WDR49: variants seen among roughly 807,000 people sequenced by gnomAD.
The protein encoded by WDR49 is cilia- and flagella-associated protein 337.
In WDR49, 107 loss-of-function variants were observed where a neutral mutation model predicts 119.5. The ratio of observed to expected loss-of-function variants is 0.90; its 90% CI spans 0.77 to 1.05. The LOEUF is 1.05. Ranked by LOEUF, WDR49 falls within the 50% of genes least tolerant of loss-of-function variation. WDR49 has a pLI of 0.00. For synonymous variants in WDR49, 425 were observed against 418.8 expected (o/e 1.01, Z -0.18); for missense variants, 1,240 against 1,220.5 (o/e 1.02, Z -0.24).
In WDR49 at chr3:167,627,231, T is replaced by C; in HGVS notation, c.227A>G (p.Glu76Gly). ...SREDFTQKMT[E>G]IVGWGTKEEY... ...TTCCTTCGTGCCCCAACCAACAATC[T>C]CTGTCATCTTCTGCGTGAAGTCTTC... is the stretch of plus-strand genomic sequence containing the variant. The change falls in exon 3 of 19, where the codon GAG becomes GGG. Residue 76 changes from glutamate (E) to glycine (G), a missense_variant. By Grantham distance (98) the Glu-to-Gly change is moderately conservative (BLOSUM62 -2). Coordinates refer to ENST00000682715, the MANE Select transcript of WDR49 (RefSeq NM_001366157.1). The C allele has an allele frequency of 1.6e-6, 2 of 1,251,350 alleles. No homozygotes were observed. Among genetic ancestry groups the C allele is most frequent in the Non-Finnish European group, 2.0e-6 (2 of 997,876 alleles). 77.5% of individuals were successfully genotyped at this position (1,251,350 alleles called of 1,614,324 possible).
chr3:167,592,719 G>A (rs904182545), intron 7 of WDR49, among the ~76,000 whole-genome samples: 11 of 152,090 alleles, frequency 7.2e-5, no homozygotes, highest in African/African-American at 2.4e-4. Context: ...AGGCATGAGC[G>A]ACTGCTCCTA....
chr3:167,652,170 G>T (rs1718417131), intron 2 of WDR49, among the ~76,000 whole-genome samples: 3 of 152,164 alleles, frequency 2.0e-5, no homozygotes, highest in Non-Finnish European at 4.4e-5. Context: ...AATGAGAAAA[G>T]TGTAGGACAG....
At chr3:167,581,164 A>G (rs1714510060) in intron 7 of WDR49, among the ~76,000 whole-genome samples, 1 of 152,196 alleles carries the variant, frequency 6.6e-6, no homozygotes, top group African/African-American at 2.4e-5. Flanking sequence ...TTTTGCCATA[A>G]TTAGTAATAT....
intron 2 of WDR49, among the ~76,000 whole-genome samples, chr3:167,639,864 G>T (rs1346989518): frequency 6.6e-6 from 1 of 151,684 alleles, no homozygotes; most frequent in Non-Finnish European, 1.5e-5. Context: ...TCCTCTCTGT[G>T]CCTATACCTA....
intron 3 of WDR49, among the ~76,000 whole-genome samples, chr3:167,625,558 A>G (rs752963837): frequency 1.3e-5 from 2 of 152,072 alleles, no homozygotes; most frequent in Non-Finnish European, 2.9e-5. Context: ...TCTTTCTTAT[A>G]GAGGTATTCT....
chr3:167,645,490 C>T (rs913948097), intron 2 of WDR49, among the ~76,000 whole-genome samples: 1 of 152,068 alleles, frequency 6.6e-6, no homozygotes, highest in Non-Finnish European at 1.5e-5. Flanking sequence ...GGATTACAGG[C>T]GTGAGTCACC....
chr3:167,573,800 C>T (rs1714077809), intron 8 of WDR49, among the ~76,000 whole-genome samples: 1 of 152,160 alleles, frequency 6.6e-6, no homozygotes, highest in Non-Finnish European at 1.5e-5. Context: ...CGTCAATATG[C>T]TCCTAAGATC....
chr3:167,555,808 T>C (rs181962818), intron 9 of WDR49, among the ~76,000 whole-genome samples: 21 of 152,288 alleles, frequency 1.4e-4, no homozygotes, highest in Admixed American at 1.1e-3. Flanking sequence ...AATAACAGGA[T>C]ACATTCTGAG....
intron 7 of WDR49, among the ~76,000 whole-genome samples, chr3:167,590,528 T>C (rs1715052730): frequency 1.3e-5 from 2 of 152,052 alleles, no homozygotes; most frequent in African/African-American, 4.8e-5. Context: ...AGCCCTTGGG[T>C]CCTGGGCTTT....
chr3:167,582,031 CGT>C (rs57233824), intron 7 of WDR49, among the ~76,000 whole-genome samples: 2,072 of 142,012 alleles, frequency 0.015, 12 homozygotes, highest in African/African-American at 0.023. Flanking sequence ...GGCATGCTTC[CGT>C]GTGTGTGTGT....
Position 167,587,501 on chromosome 3 carries a change from T to C in WDR49, c.1276-11350A>G, listed in dbSNP as rs546599176. 2.0e-5 allele frequency among the ~76,000 whole-genome samples: 3 copies of C among 152,300 alleles called. No individual in the cohort carries two copies. The South Asian group carries it at 6.2e-4, about 32-fold the overall frequency. Reference sequence around the variant, plus strand: ...TGACCTTTTTTTTCACTTTTTCTTTTTTGAGACAGGGTCCCTCTCTGTCAC... The same window carrying C: ...TGACCTTTTTTTTCACTTTTTCTTTCTTGAGACAGGGTCCCTCTCTGTCAC... On this transcript the variant is annotated intron_variant, in intron 7 of 18. Coordinates refer to ENST00000682715, the MANE Select transcript of WDR49 (RefSeq NM_001366157.1).
intron 2 of WDR49, chr3:167,633,423 A>G (rs189900574): frequency 4.4e-6 from 2 of 456,060 alleles, no homozygotes; most frequent in African/African-American, 4.0e-5. Flanking sequence ...TCCCAGAACC[A>G]TGGCTCTTTC....
chr3:167,494,681 TG>T (rs1322704489), intron 18 of WDR49, among the ~76,000 whole-genome samples: 3 of 152,132 alleles, frequency 2.0e-5, no homozygotes, highest in Non-Finnish European at 4.4e-5. Context: ...GACTCTCTCA[TG>T]GGAAAGTAAA....
chr3:167,602,715 T>C (rs1348517126), intron 6 of WDR49, among the ~76,000 whole-genome samples: 3 of 152,124 alleles, frequency 2.0e-5, no homozygotes, highest in South Asian at 4.1e-4. Flanking sequence ...AATTAAAAAC[T>C]ATAAAAAGAC....
intron 7 of WDR49, among the ~76,000 whole-genome samples, chr3:167,594,182 T>A (rs1715288988): frequency 1.3e-5 from 2 of 152,272 alleles, no homozygotes; most frequent in East Asian, 3.9e-4. Flanking sequence ...TGGAACTGGG[T>A]AACGGGCAAA....
chr3:167,488,148 AC>A (rs1270131047), intron 18 of WDR49, among the ~76,000 whole-genome samples: 2 of 19,052 alleles, frequency 1.0e-4, no homozygotes, highest in African/African-American at 1.2e-3. Flanking sequence ...ACACTCAAAC[AC>A]ACACACACAC....
intron 2 of WDR49, among the ~76,000 whole-genome samples, chr3:167,639,662 C>T (rs1003658269): frequency 6.6e-6 from 1 of 151,828 alleles, no homozygotes; most frequent in South Asian, 2.1e-4. Flanking sequence ...ATAAGATAAA[C>T]ATAAAAAGTC....
rs1272160845 is a variant in WDR49, at chr3:167,527,825, C to A, written c.2599G>T (p.Gly867Cys). The A allele has an allele frequency of 6.2e-7, 1 of 1,611,868 alleles. No individual in the cohort carries two copies. Among genetic ancestry groups the A allele is most frequent in the Admixed American group, 1.7e-5 (1 of 59,686 alleles). Residue 867 changes from glycine (G) to cysteine (C), a missense_variant, in exon 15 of 19, where the codon GGT (glycine) becomes TGT (cysteine). Coordinates refer to ENST00000682715, the MANE Select transcript of WDR49 (RefSeq NM_001366157.1). ...TAAAGAAGCAATATTTCTACCTGACCAAAGATCCAAACAGGAGCATTGCAG... is the reference window on the plus strand; with the variant it reads ...TAAAGAAGCAATATTTCTACCTGACAAAAGATCCAAACAGGAGCATTGCAG... Reference protein sequence around the residue: ...GVCNAPVWIFGQAKHWHIENC... With the variant: ...GVCNAPVWIFCQAKHWHIENC...
chr3:167,498,130 G>A (rs142317596), intron 18 of WDR49, among the ~76,000 whole-genome samples: 192 of 152,146 alleles, frequency 1.3e-3, no homozygotes, highest in African/African-American at 4.5e-3. Flanking sequence ...ATGAGCCACC[G>A]CGCCCAGCCC....
Sources: gnomAD v4.1 joint callset for allele counts (sites outside exome capture counted in the v4.1 genomes callset) on GRCh38, gnomAD v4.1.1 for gene constraint, MANE v1.5 for transcripts, NCBI Gene and HGNC (gene_info 2026-07-23, HGNC 2026-07-21) for gene names.